Variants in MAGI1 observed in about 807,000 individuals in gnomAD.
MAGI1 encodes the protein membrane associated guanylate kinase, WW and PDZ domain containing 1.
A neutral mutation model predicts 139.9 loss-of-function variants in MAGI1; 58 were observed. The ratio of observed to expected loss-of-function variants is 0.41; its 90% confidence interval spans 0.34 to 0.52. MAGI1 has a LOEUF of 0.52. Ranked by LOEUF, MAGI1 falls within the 20% of genes least tolerant of loss-of-function variation. The pLI, the probability that MAGI1 is intolerant of heterozygous loss-of-function variation, is 0.12. For missense variants in MAGI1, 1,874 were observed against 1,901.6 expected (o/e 0.99, Z 0.27); for synonymous variants, 812 against 737.9 (o/e 1.10, Z -1.63).
chr3:66,007,829 T>C (rs1488022983), intron 1 of MAGI1, among the ~76,000 whole-genome samples: 2 of 151,932 alleles, frequency 1.3e-5, no homozygotes, highest in Admixed American at 6.6e-5. Flanking sequence ...AGATACTAAA[T>C]TGGAGGAGGG....
chr3:65,906,102 T>C (rs781371632), intron 1 of MAGI1, among the ~76,000 whole-genome samples: 3 of 152,220 alleles, frequency 2.0e-5, no homozygotes, highest in Non-Finnish European at 2.9e-5. Context: ...AAGTGTGTCA[T>C]TCTTCTCCCT....
chr3:65,699,501 G>C (rs1366503741), intron 1 of MAGI1, among the ~76,000 whole-genome samples: 1 of 138,804 alleles, frequency 7.2e-6, no homozygotes, highest in Non-Finnish European at 1.5e-5. Context: ...TGATAGACTG[G>C]ATTAAGAAAA....
At chr3:65,859,997 G>A (rs1390005787) in intron 1 of MAGI1, among the ~76,000 whole-genome samples, 3 of 151,648 alleles carry the variant, frequency 2.0e-5, no homozygotes, top group East Asian at 3.9e-4. Context: ...CGGGGTTCAA[G>A]CGATTCTCCT....
intron 2 of MAGI1, among the ~76,000 whole-genome samples, chr3:65,582,601 A>G (rs2081488767): frequency 1.1e-5 from 1 of 95,042 alleles, no homozygotes; most frequent in Non-Finnish European, 2.6e-5. Context: ...TCCAGGTCAA[A>G]TAAGACTTAC....
intron 2 of MAGI1, among the ~76,000 whole-genome samples, chr3:65,593,079 A>T (rs1559701165): frequency 6.6e-6 from 1 of 152,192 alleles, no homozygotes; most frequent in Non-Finnish European, 1.5e-5. Flanking sequence ...GTAGTAAATT[A>T]AAAAGTCCCA....
chr3:65,498,306 G>A (rs887580697), intron 2 of MAGI1, among the ~76,000 whole-genome samples: 1 of 149,520 alleles, frequency 6.7e-6, no homozygotes, highest in African/African-American at 2.4e-5. Context: ...AAAGCGACCA[G>A]GCTGACAAAC....
At chr3:65,803,988 G>A (rs1259078400) in intron 1 of MAGI1, among the ~76,000 whole-genome samples, 5 of 152,166 alleles carry the variant, frequency 3.3e-5, no homozygotes. Context: ...AAACCTTTAA[G>A]ACAATCATGA....
intron 9 of MAGI1, among the ~76,000 whole-genome samples, chr3:65,437,618 T>C (rs925355283): frequency 2.0e-5 from 3 of 152,068 alleles, no homozygotes; most frequent in Non-Finnish European, 4.4e-5. Context: ...CAGCTTGTCT[T>C]AGGTAGGGAG....
At chr3:65,687,969 A>C (rs1209207228) in intron 1 of MAGI1, 1 of 788,842 alleles carries the variant, frequency 1.3e-6, no homozygotes, top group South Asian at 1.3e-5. Context: ...AGTTAAAGTT[A>C]TCATCAGACT....
chr3:65,633,646 T>G (rs1177417022), intron 1 of MAGI1, among the ~76,000 whole-genome samples: 1 of 152,238 alleles, frequency 6.6e-6, no homozygotes, highest in Non-Finnish European at 1.5e-5. Context: ...TAGGTTTAAA[T>G]GCCATCATCT....
At chr3:65,852,094 C>G (rs1030312659) in intron 1 of MAGI1, among the ~76,000 whole-genome samples, 1 of 152,162 alleles carries the variant, frequency 6.6e-6, no homozygotes, top group African/African-American at 2.4e-5. Flanking sequence ...ACTTGTCAAA[C>G]CAGGAAGATA....
chr3:65,804,081 C>T (rs1365873279), intron 1 of MAGI1, among the ~76,000 whole-genome samples: 1 of 152,124 alleles, frequency 6.6e-6, no homozygotes, highest in Non-Finnish European at 1.5e-5. Context: ...TAAGAACATT[C>T]AAGTCCCCTT....
chr3:65,506,604 G>A (rs572777698), intron 2 of MAGI1, among the ~76,000 whole-genome samples: 3 of 152,182 alleles, frequency 2.0e-5, no homozygotes, highest in African/African-American at 7.2e-5. Flanking sequence ...AAATCACAAA[G>A]TCAACACATT....
intron 12 of MAGI1, among the ~76,000 whole-genome samples, chr3:65,422,206 T>C (rs1946677098): frequency 6.6e-6 from 1 of 152,206 alleles, no homozygotes; most frequent in Admixed American, 6.5e-5. Context: ...ACAGATGGAC[T>C]GAGAAACTGA....
intron 3 of MAGI1, among the ~76,000 whole-genome samples, chr3:65,484,001 C>A (rs1575955525): frequency 6.6e-6 from 1 of 152,182 alleles, no homozygotes; most frequent in East Asian, 1.9e-4. Flanking sequence ...ACTATTCATT[C>A]ATTCATTTCC....
chr3:65,896,484 C>G (rs2060974921), intron 1 of MAGI1, among the ~76,000 whole-genome samples: 1 of 152,180 alleles, frequency 6.6e-6, no homozygotes, highest in Non-Finnish European at 1.5e-5. Flanking sequence ...AAAGATTTAG[C>G]TACAAGGACA....
At position 65,535,278 on chromosome 3, in the gene MAGI1, G is replaced by A. The variant is rs369018577; in HGVS notation, c.431-41647C>T. ...AGGAATAGCTCTTCAAAGGGAAGAT[G>A]TGCTTCAAGAGATTATTGTTAACTT... On this transcript the variant is annotated intron_variant, in intron 2 of 22. Coordinates refer to ENST00000402939, the MANE Select transcript of MAGI1 (RefSeq NM_001033057.2). Among the ~76,000 whole-genome samples, 9 of 152,282 alleles carry A rather than the reference G, an allele frequency of 5.9e-5. No homozygotes were observed. The South Asian group carries it at 1.2e-3, about 21-fold the overall frequency.
chr3:65,936,788 G>A (rs1640827173), intron 1 of MAGI1, among the ~76,000 whole-genome samples: 2 of 152,110 alleles, frequency 1.3e-5, no homozygotes, highest in African/African-American at 4.8e-5. Context: ...CTGGAGTACA[G>A]TAGCACAATC....
chr3:65,834,629 CT>C (rs905196367), intron 1 of MAGI1, among the ~76,000 whole-genome samples: 4 of 152,142 alleles, frequency 2.6e-5, no homozygotes, highest in Non-Finnish European at 5.9e-5. Flanking sequence ...CACATTTTTG[CT>C]GATTTTTCTC....
Sources: gnomAD v4.1 joint callset for allele counts (sites outside exome capture counted in the v4.1 genomes callset) on GRCh38, gnomAD v4.1.1 for gene constraint, MANE v1.5 for transcripts, NCBI Gene and HGNC (gene_info 2026-07-23, HGNC 2026-07-21) for gene names.